The following ITGA1 variants were observed in gnomAD, a reference collection of about 807,000 sequenced individuals.
ITGA1 encodes the protein integrin alpha-1.
In ITGA1, 85 loss-of-function variants were observed where a neutral mutation model predicts 145.9. The observed-to-expected ratio is 0.58, with a 90% CI of 0.49 to 0.70. ITGA1 has a LOEUF of 0.70. Among genes scored for constraint, ITGA1 ranks in the 30% least tolerant of loss-of-function variants. The pLI is 0.00. For missense variants in ITGA1, 1,351 were observed against 1,418.7 expected (o/e 0.95, Z 0.77); for synonymous variants, 520 against 495.3 (o/e 1.05, Z -0.66).
intron 7 of ITGA1, among the ~76,000 whole-genome samples, chr5:52,884,900 C>A (rs2447865): frequency 6.6e-6 from 1 of 151,944 alleles, no homozygotes; most frequent in Non-Finnish European, 1.5e-5. Flanking sequence ...CACAGATTAA[C>A]GGCTCAGTCC....
Position 52,887,811 on chromosome 5 carries a change from T to C in ITGA1, c.774-4T>C. ...AACCTCTCTTTTGTTTGTGATTACT[T>C]TAGAAAGGAGGCATTCACGGAAGCC... On this transcript the variant is annotated splice_polypyrimidine_tract_variant and splice_region_variant and intron_variant, in intron 7 of 28. Transcript: ENST00000282588. The C allele has an allele frequency of 6.2e-7, 1 of 1,609,926 alleles. No homozygotes were observed. Among genetic ancestry groups the C allele is most frequent in the Middle Eastern group, 1.7e-4 (1 of 6,030 alleles).
chr5:52,889,434 C>T (rs547887047), intron 8 of ITGA1, among the ~76,000 whole-genome samples: 1 of 152,296 alleles, frequency 6.6e-6, no homozygotes, highest in African/African-American at 2.4e-5. Flanking sequence ...ATAAACAAGT[C>T]TTTCGTAGAT....
intron 6 of ITGA1, among the ~76,000 whole-genome samples, chr5:52,869,682 A>G (rs1749748085): frequency 6.6e-6 from 1 of 152,090 alleles, no homozygotes; most frequent in Admixed American, 6.5e-5. Flanking sequence ...TTGTTGAGTA[A>G]ATGTTTGTAT....
chr5:52,808,278 A>C (rs1350575230), intron 1 of ITGA1, among the ~76,000 whole-genome samples: 1 of 152,234 alleles, frequency 6.6e-6, no homozygotes. Context: ...TTTAGCTGTC[A>C]TACCTAGAAT....
chr5:52,939,313 G>A (rs1751018293), intron 24 of ITGA1, among the ~76,000 whole-genome samples: 1 of 152,046 alleles, frequency 6.6e-6, no homozygotes, highest in Non-Finnish European at 1.5e-5. Flanking sequence ...TCACGTAATA[G>A]TAAGTTCTAT....
At chr5:52,891,433 G>C (rs1750146553) in intron 8 of ITGA1, among the ~76,000 whole-genome samples, 1 of 150,804 alleles carries the variant, frequency 6.6e-6, no homozygotes, top group Non-Finnish European at 1.5e-5. Flanking sequence ...GATATTTTGT[G>C]TACTGGGGAT....
chr5:52,869,800 T>C (rs1749749485), intron 6 of ITGA1, among the ~76,000 whole-genome samples: 1 of 152,220 alleles, frequency 6.6e-6, no homozygotes, highest in Admixed American at 6.5e-5. Flanking sequence ...CTTTATACTT[T>C]ATTCTCTAGT....
At chr5:52,819,456 T>A (rs1237758676) in intron 1 of ITGA1, among the ~76,000 whole-genome samples, 3 of 152,236 alleles carry the variant, frequency 2.0e-5, no homozygotes, top group Admixed American at 6.5e-5. Flanking sequence ...TTTTGAGAAG[T>A]GTCTGTTCAT....
chr5:52,839,657 ATATG>A (rs1443956372), intron 1 of ITGA1, among the ~76,000 whole-genome samples: 1 of 152,182 alleles, frequency 6.6e-6, no homozygotes, highest in Non-Finnish European at 1.5e-5. Flanking sequence ...TCTCAGTAAG[ATATG>A]TGAGCTGGCA....
At chr5:52,809,473 T>C (rs7719930) in intron 1 of ITGA1, among the ~76,000 whole-genome samples, 136,507 of 150,584 alleles carry the variant, frequency 0.91, 61,945 homozygotes, top group Middle Eastern at 0.93. Flanking sequence ...GACCTGAGAT[T>C]ATTCCTCTTT....
At chr5:52,906,978 C>T (rs914354044) in intron 12 of ITGA1, among the ~76,000 whole-genome samples, 3 of 152,248 alleles carry the variant, frequency 2.0e-5, no homozygotes, top group Middle Eastern at 3.4e-3. Context: ...AAGGGCAGGC[C>T]GGCTACAAGA....
chr5:52,827,089 CTTTTTT>C (rs201041439), intron 1 of ITGA1, among the ~76,000 whole-genome samples: 4 of 134,848 alleles, frequency 3.0e-5, no homozygotes, highest in East Asian at 2.1e-4. Context: ...CCATTAAGAA[CTTTTTT>C]TTTTTTTTTT....
At chr5:52,801,796 G>C in intron 1 of ITGA1, 1 of 1,613,046 alleles carries the variant, frequency 6.2e-7, no homozygotes, top group Non-Finnish European at 8.5e-7. Context: ...CCCTGTTCCC[G>C]AACTTTCTGA....
At chr5:52,908,289 A>G (rs1750442426) in intron 12 of ITGA1, among the ~76,000 whole-genome samples, 2 of 152,234 alleles carry the variant, frequency 1.3e-5, no homozygotes, top group Admixed American at 1.3e-4. Flanking sequence ...CATTTAGGTA[A>G]TGAAGTATAA....
rs1233903629 is a variant in ITGA1 at position 52,957,996 on chromosome 5, A to C, written c.*5545A>C. The stretch of plus-strand genomic sequence containing the variant: ...CAAAATTTTAAAAACAAATCTTCCA[A>C]ATGACACCACAATGAAAGCCAGTTG... On this transcript the variant is annotated 3_prime_UTR_variant, in exon 29 of 29. Coordinates refer to ENST00000282588, the MANE Select transcript of ITGA1 (RefSeq NM_181501.2). 6.6e-6 allele frequency: 1 copy of C among 152,198 alleles called. No individual in the cohort carries two copies. The highest frequency in any genetic ancestry group is 2.4e-5 in the African/African-American group (1 of 41,446). The allele number at this position is 152,198 out of a possible 1,614,324, so 9.4% of individuals were successfully genotyped here. A position where few individuals can be genotyped will look rare whatever the true frequency, so the allele number is the denominator to read the frequency against.
chr5:52,917,441 T>G (rs1049568845), intron 15 of ITGA1, among the ~76,000 whole-genome samples: 1 of 152,244 alleles, frequency 6.6e-6, no homozygotes. Context: ...TAATACCATC[T>G]TTTAATAATG....
At chr5:52,949,166 T>C (rs1561258406) in intron 28 of ITGA1, among the ~76,000 whole-genome samples, 1 of 152,164 alleles carries the variant, frequency 6.6e-6, no homozygotes, top group Non-Finnish European at 1.5e-5. Context: ...GAACTGTGAT[T>C]CTAAGGTAGA....
chr5:52,947,402 C>T lies in ITGA1; in HGVS notation c.3436C>T (p.Leu1146=), dbSNP rs1351786050. The change falls in exon 28 of 29, where the codon CTG becomes TTG. Residue 1146 remains leucine, a synonymous_variant. Transcript: ENST00000282588. ...LPGRVPLWVI[L]LSAFAGLLLL... ...GGGCAGAGTGCCATTATGGGTCATCCTGCTGAGTGCTTTTGCCGGATTGTT... is the reference window on the plus strand; with the variant it reads ...GGGCAGAGTGCCATTATGGGTCATCTTGCTGAGTGCTTTTGCCGGATTGTT... 1 of 1,613,748 alleles carries T rather than the reference C, an allele frequency of 6.2e-7. No individual in the cohort carries two copies. The highest frequency in any genetic ancestry group is 1.7e-5 in the Admixed American group (1 of 60,020).
At chr5:52,951,152 A>G (rs954131875) in intron 28 of ITGA1, among the ~76,000 whole-genome samples, 10 of 152,278 alleles carry the variant, frequency 6.6e-5, no homozygotes, top group African/African-American at 2.4e-4. Flanking sequence ...CAGTTGTTTA[A>G]TAATTATTTT....
Sources: gnomAD v4.1 joint callset for allele counts (sites outside exome capture counted in the v4.1 genomes callset) on GRCh38, gnomAD v4.1.1 for gene constraint, MANE v1.5 for transcripts, NCBI Gene and HGNC (gene_info 2026-07-23, HGNC 2026-07-21) for gene names.